DCAF17: variants seen among roughly 807,000 people sequenced by gnomAD.
DCAF17 encodes DDB1- and CUL4-associated factor 17.
DCAF17 carries 48 observed loss-of-function variants against 66.0 expected under a neutral mutation model. That is an observed-to-expected ratio of 0.73 (90% CI 0.58 to 0.92). The LOEUF (loss-of-function observed/expected upper bound fraction) is 0.92, where lower values mean the gene tolerates loss of function less well. Among genes scored for constraint, DCAF17 ranks in the 40% least tolerant of loss-of-function variants. The pLI is 0.00. For synonymous variants in DCAF17, 206 were observed against 214.6 expected (o/e 0.96, Z 0.35); for missense variants, 562 against 622.8 (o/e 0.90, Z 1.04).
rs1258743419 is a variant in DCAF17, at chr2:171,483,996, GTTT to G, written c.*2886_*2888del. On this transcript the variant is annotated 3_prime_UTR_variant, in exon 14 of 14. Coordinates refer to ENST00000375255, the MANE Select transcript of DCAF17 (RefSeq NM_025000.4). ...ATATGTAGGAAAGTGCTTAATAATC[GTTT>G]TTTACTGATGATTCAGTGTCTAAAT... 1.5e-5 allele frequency: 7 copies of G among 453,516 alleles called. No individual in the cohort carries two copies. The highest frequency in any genetic ancestry group is 1.4e-4 in the Admixed American group (6 of 42,478). 28.1% of individuals were successfully genotyped at this position (453,516 alleles called of 1,614,324 possible).
chr2:171,478,182 G>T, intron 12 of DCAF17, 112 bp downstream of exon 12: 1 of 937,126 alleles, frequency 1.1e-6, no homozygotes, highest in South Asian at 1.4e-5. Context: ...GGGGTTGCAG[G>T]CAGGCCAGTT....
At chr2:171,449,661 G>A (rs1015461863) in intron 4 of DCAF17, among the ~76,000 whole-genome samples, 13 of 152,202 alleles carry the variant, frequency 8.5e-5, no homozygotes, top group Non-Finnish European at 1.5e-4. Flanking sequence ...ATTCACCAAT[G>A]CTCTAGAAAG....
chr2:171,458,266 A>G, intron 7 of DCAF17, 106 bp from the exon 8 acceptor site: 1 of 1,123,918 alleles, frequency 8.9e-7, no homozygotes, highest in Non-Finnish European at 1.3e-6. Flanking sequence ...GGCCATTGGA[A>G]AAAGACATTT....
In DCAF17 at chr2:171,449,953, G is replaced by A. The variant is rs202231211; in HGVS notation, c.533G>A (p.Arg178Gln). 266 of 1,612,228 alleles carry A rather than the reference G, an allele frequency of 1.6e-4. No homozygotes were observed. Among genetic ancestry groups the A allele is most frequent in the Admixed American group, 1.0e-4 (6 of 59,972 alleles). ...CAGAACAGAGGCTCAGCAGTGGCCC[G>A]GCAGGTATACATATTTAAACATTCA... ...SAQNRGSAVA[R>Q]QAGIQQHVLL... The change falls in exon 5 of 14, where the codon CGG becomes CAG. Residue 178 changes from arginine (R) to glutamine (Q), a missense_variant. Physicochemically the swap from Arg to Gln is conservative, Grantham distance 43. Transcript: ENST00000375255.
intron 5 of DCAF17, among the ~76,000 whole-genome samples, chr2:171,451,008 A>T (rs1350075749): frequency 6.6e-6 from 1 of 151,828 alleles, no homozygotes; most frequent in Non-Finnish European, 1.5e-5. Flanking sequence ...TGTAATATGG[A>T]CTGGCAGGTG....
rs199695390 is a variant in DCAF17 at position 171,450,430 on chromosome 2, A to AT, written c.537+483dup. 9.4e-3 allele frequency among the ~76,000 whole-genome samples: 1,421 copies of AT among 150,644 alleles called. 10 individuals carry two copies. Among genetic ancestry groups the AT allele is most frequent in the South Asian group, 0.015 (72 of 4,762 alleles). ...TTAAAAAAGAAAAGTTGATAGGTAG[A>AT]TTTTTTTTTTCTGAAGCGTGCTATT... On this transcript the variant is annotated intron_variant, in intron 5 of 13. Coordinates refer to ENST00000375255, the MANE Select transcript of DCAF17 (RefSeq NM_025000.4).
At chr2:171,435,322 T>A in intron 2 of DCAF17, 136 bp downstream of exon 2, 1 of 698,272 alleles carries the variant, frequency 1.4e-6, no homozygotes, top group Non-Finnish European at 2.5e-6. Context: ...GACTAGGCAG[T>A]AAAAAATGCA....
chr2:171,453,570 A>C (rs530542649), intron 6 of DCAF17, among the ~76,000 whole-genome samples: 12 of 152,318 alleles, frequency 7.9e-5, no homozygotes, highest in African/African-American at 2.4e-4. Context: ...ATTTCATTTT[A>C]ATTGCAAGAT....
intron 8 of DCAF17, 70 bp downstream of exon 8, chr2:171,458,547 A>AT: frequency 6.0e-6 from 7 of 1,171,436 alleles, no homozygotes; most frequent in Admixed American, 1.9e-5. Flanking sequence ...TATTAATTAT[A>AT]GTCATCCAAA....
Position 171,458,425 on chromosome 2 carries a change from T to C in DCAF17, c.786T>C (p.Thr262=), listed in dbSNP as rs753477159. 1.9e-6 allele frequency: 3 copies of C among 1,614,138 alleles called. No homozygotes were observed. Among genetic ancestry groups the C allele is most frequent in the Non-Finnish European group, 1.7e-6 (2 of 1,179,982 alleles). ...GTGCATGCAGATGGGGTGGGACTAC[T>C]GGAACTGTAGGAGAGGCTCCTTTTG... is the stretch of plus-strand genomic sequence containing the variant. ...LGCACRWGGT[T]GTVGEAPFGI... The change falls in exon 8 of 14, where the codon ACT becomes ACC. Residue 262 remains threonine (T), a synonymous_variant. Transcript: ENST00000375255.
chr2:171,463,248 A>G (rs1695701227), intron 8 of DCAF17, among the ~76,000 whole-genome samples: 1 of 151,666 alleles, frequency 6.6e-6, no homozygotes, highest in South Asian at 2.1e-4. Flanking sequence ...AAACAGAAAG[A>G]AGAATTCTTT....
intron 2 of DCAF17, among the ~76,000 whole-genome samples, chr2:171,439,622 A>G (rs1466772634): frequency 6.7e-6 from 1 of 148,716 alleles, no homozygotes; most frequent in Non-Finnish European, 1.5e-5. Flanking sequence ...CTATTTAATT[A>G]ATTAGTTTAG....
rs778975572 is a variant in DCAF17, at chr2:171,453,197, T to C, written c.611T>C (p.Leu204Pro). Residue 204 changes from leucine to proline, a missense_variant, in exon 6 of 14, where the codon CTA becomes CCA. Coordinates refer to ENST00000375255, the MANE Select transcript of DCAF17 (RefSeq NM_025000.4). Reference protein sequence around the residue: ...RVLPFSLVGILEINKKIFGNV... With the variant: ...RVLPFSLVGIPEINKKIFGNV... ...CTACCTTTTTCACTTGTAGGGATTCTAGAGATCAACAAAAAGGTAAGAACT... is the reference window on the plus strand; with the variant it reads ...CTACCTTTTTCACTTGTAGGGATTCCAGAGATCAACAAAAAGGTAAGAACT... The C allele has an allele frequency of 6.2e-7, 1 of 1,612,188 alleles. No individual in the cohort carries two copies.
At position 171,484,954 on chromosome 2, in the gene DCAF17, TCA is replaced by T. The variant is rs1438145329; in HGVS notation, c.*3843_*3844del. The T allele has an allele frequency of 1.1e-5, 5 of 454,002 alleles. No individual in the cohort carries two copies. The highest frequency in any genetic ancestry group is 7.0e-5 in the Admixed American group (3 of 42,558). 28.1% of individuals were successfully genotyped at this position (454,002 alleles called of 1,614,324 possible). On this transcript the variant is annotated 3_prime_UTR_variant, in exon 14 of 14. Coordinates refer to ENST00000375255, the MANE Select transcript of DCAF17 (RefSeq NM_025000.4). ...CTGAGTATTCTTTCGTATGAATATA[TCA>T]CAGTTTGTTTTTTTATCTTTCTGTT...
At chr2:171,449,813 A>G in intron 4 of DCAF17, 66 bp from the exon 5 acceptor site, 2 of 974,876 alleles carry the variant, frequency 2.1e-6, no homozygotes, top group East Asian at 2.7e-5. Context: ...ATAAAATATA[A>G]TATTTTGGTT....
chr2:171,439,580 C>T (rs992382968), intron 2 of DCAF17, among the ~76,000 whole-genome samples: 1 of 140,024 alleles, frequency 7.1e-6, no homozygotes, highest in East Asian at 2.1e-4. Flanking sequence ...TGCATGGTGT[C>T]CACTTTTCCC....
chr2:171,470,219 C>T (rs1183272060), intron 9 of DCAF17, among the ~76,000 whole-genome samples: 2 of 151,826 alleles, frequency 1.3e-5, no homozygotes, highest in East Asian at 1.9e-4. Flanking sequence ...GATGGGGCCT[C>T]GCTGTGTTTC....
At chr2:171,439,017 C>G (rs913754759) in intron 2 of DCAF17, among the ~76,000 whole-genome samples, 1 of 151,970 alleles carries the variant, frequency 6.6e-6, no homozygotes, top group African/African-American at 2.4e-5. Flanking sequence ...ACACGAGCCA[C>G]CAGAACACTT....
chr2:171,468,910 G>A lies in DCAF17; in HGVS notation c.861G>A (p.Glu287=), dbSNP rs781010136. The change falls in exon 9 of 14, where the codon GAG becomes GAA. Residue 287 remains glutamate (E), a synonymous_variant. Coordinates refer to ENST00000375255, the MANE Select transcript of DCAF17 (RefSeq NM_025000.4). ...CAGACATGCCACCACTGCTCTTTGA[G>A]GTGTCATCCCTGGAGAATGCTTTTC... ...KITDMPPLLF[E]VSSLENAFQI... 1.5e-5 allele frequency: 25 copies of A among 1,614,100 alleles called. No homozygotes were observed. In the East Asian group the frequency reaches 5.3e-4, roughly 35 times the overall value.
Sources: allele counts gnomAD v4.1 joint callset (sites outside exome capture counted in the v4.1 genomes callset), GRCh38; gene constraint gnomAD v4.1.1; transcripts MANE v1.5; gene names NCBI Gene and HGNC (gene_info 2026-07-23, HGNC 2026-07-21).